The following SVEP1 variants were observed in gnomAD, a reference collection of about 807,000 sequenced individuals.
SVEP1 encodes the protein sushi, von Willebrand factor type A, EGF and pentraxin domain-containing protein 1.
A neutral mutation model predicts 367.3 loss-of-function variants in SVEP1; 164 were observed. The ratio of observed to expected loss-of-function variants is 0.45; its 90% CI spans 0.39 to 0.51. SVEP1 has a LOEUF of 0.51. Among genes scored for constraint, SVEP1 ranks in the 20% least tolerant of loss-of-function variants. The pLI is 0.00. For synonymous variants in SVEP1, 1,666 were observed against 1,611.6 expected (o/e 1.03, Z -0.81); for missense variants, 4,117 against 4,425.3 (o/e 0.93, Z 1.98).
chr9:110,567,929 G>A (rs915310474), intron 1 of SVEP1, among the ~76,000 whole-genome samples: 1 of 152,278 alleles, frequency 6.6e-6, no homozygotes, highest in East Asian at 1.9e-4. Flanking sequence ...GCCCTCCAGG[G>A]ACCAATCCTT....
Position 110,538,758 on chromosome 9 carries a change from C to T in SVEP1, c.964+7357G>A, listed in dbSNP as rs548229823. Among the ~76,000 whole-genome samples, 30 of 152,164 alleles carry T rather than the reference C, an allele frequency of 2.0e-4. No homozygotes were observed. In the South Asian group the frequency reaches 6.2e-3, roughly 32 times the overall value. On this transcript the variant is annotated intron_variant, in intron 3 of 47. Coordinates refer to ENST00000374469, the MANE Select transcript of SVEP1 (RefSeq NM_153366.4). ...AATCTCTGCAAAAGAGCACTGTCCT[C>T]AAGATGCCTGTTGTCTCTATACTTT...
At chr9:110,440,577 G>A (rs1481589716) in intron 27 of SVEP1, among the ~76,000 whole-genome samples, 1 of 152,196 alleles carries the variant, frequency 6.6e-6, no homozygotes, top group African/African-American at 2.4e-5. Context: ...ATGCAGCAAT[G>A]GAGGCATGCA....
chr9:110,537,877 T>G (rs969857067), intron 3 of SVEP1, among the ~76,000 whole-genome samples: 1 of 151,892 alleles, frequency 6.6e-6, no homozygotes, highest in African/African-American at 2.4e-5. Flanking sequence ...AGCAAGTGTT[T>G]GAAGATCATG....
At chr9:110,531,689 C>G (rs1246211048) in intron 3 of SVEP1, among the ~76,000 whole-genome samples, 1 of 152,140 alleles carries the variant, frequency 6.6e-6, no homozygotes. Flanking sequence ...CAGACTAATA[C>G]AGCCACCTAT....
chr9:110,452,671 G>T (rs1356132448), intron 22 of SVEP1, among the ~76,000 whole-genome samples: 1 of 152,196 alleles, frequency 6.6e-6, no homozygotes, highest in Non-Finnish European at 1.5e-5. Flanking sequence ...AGATATGTGT[G>T]ATGTGGCCCC....
At chr9:110,577,050 T>C (rs1782101474) in intron 1 of SVEP1, among the ~76,000 whole-genome samples, 1 of 152,070 alleles carries the variant, frequency 6.6e-6, no homozygotes, top group South Asian at 2.1e-4. Flanking sequence ...ATGGAAGAAT[T>C]ATTACTATAA....
chr9:110,367,173 A>G (rs550766100), intron 47 of SVEP1, among the ~76,000 whole-genome samples: 1 of 152,294 alleles, frequency 6.6e-6, no homozygotes, highest in East Asian at 1.9e-4. Context: ...ATATATATAT[A>G]TTTTAAAACA....
chr9:110,394,658 G>A (rs1827728291), intron 40 of SVEP1, among the ~76,000 whole-genome samples: 1 of 152,172 alleles, frequency 6.6e-6, no homozygotes, highest in South Asian at 2.1e-4. Flanking sequence ...AGTCCTTAAA[G>A]GACCTGATGG....
Position 110,375,464 on chromosome 9 carries a change from C to CCAAAAAA in SVEP1, c.10505-2_10505-1insTTTTTTG. ...TTCAGACAGGGAAGAATGCAGATTG[C>CCAAAAAA]TAAAAAAAAAAAAAAAAAAAAAAAA... On this transcript the variant is annotated splice_acceptor_variant, in intron 45 of 47. Coordinates refer to ENST00000374469, the MANE Select transcript of SVEP1 (RefSeq NM_153366.4). LOFTEE classifies it high-confidence loss of function. 2.5e-6 allele frequency: 1 copy of CCAAAAAA among 399,082 alleles called. No individual in the cohort carries two copies. Among genetic ancestry groups the CCAAAAAA allele is most frequent in the Non-Finnish European group, 3.4e-6 (1 of 294,602 alleles). 24.7% of individuals were successfully genotyped at this position (399,082 alleles called of 1,614,324 possible).
At chr9:110,517,005 T>G (rs1229544872) in intron 3 of SVEP1, among the ~76,000 whole-genome samples, 1 of 152,160 alleles carries the variant, frequency 6.6e-6, no homozygotes, top group Non-Finnish European at 1.5e-5. Context: ...TGATATTTCA[T>G]TTTTTCTTTG....
chr9:110,533,104 C>T (rs952926808), intron 3 of SVEP1, among the ~76,000 whole-genome samples: 1 of 152,068 alleles, frequency 6.6e-6, no homozygotes, highest in African/African-American at 2.4e-5. Context: ...GCTGATCTGA[C>T]AGGAGGCAGA....
At chr9:110,459,189 G>T in intron 18 of SVEP1, 76 bp from the exon 19 acceptor site, 1 of 1,384,416 alleles carries the variant, frequency 7.2e-7, no homozygotes, top group Non-Finnish European at 1.0e-6. Context: ...TTTAATCTGT[G>T]CATATAAGAA....
chr9:110,385,678 T>TCA (rs1827510372), intron 43 of SVEP1, among the ~76,000 whole-genome samples: 1 of 151,676 alleles, frequency 6.6e-6, no homozygotes, highest in South Asian at 2.1e-4. Flanking sequence ...TTTGAAAATC[T>TCA]GTTCAGGTGG....
chr9:110,572,817 T>C (rs957443126), intron 1 of SVEP1, among the ~76,000 whole-genome samples: 1 of 99,712 alleles, frequency 1.0e-5, no homozygotes, highest in Non-Finnish European at 2.0e-5. Flanking sequence ...AAAAAAAAAA[T>C]GAGTACTACT....
chr9:110,485,194 C>A (rs1403966599), intron 9 of SVEP1, among the ~76,000 whole-genome samples: 1 of 152,078 alleles, frequency 6.6e-6, no homozygotes, highest in Non-Finnish European at 1.5e-5. Context: ...CAAATGCCCA[C>A]CAATGATAAA....
chr9:110,460,381 GTAT>G (rs942732373), intron 18 of SVEP1, among the ~76,000 whole-genome samples: 2 of 152,094 alleles, frequency 1.3e-5, no homozygotes, highest in Non-Finnish European at 2.9e-5. Context: ...AGTATAACGT[GTAT>G]TATTAGTTCA....
intron 3 of SVEP1, among the ~76,000 whole-genome samples, chr9:110,518,812 T>C (rs530659902): frequency 8.7e-4 from 133 of 152,326 alleles, no homozygotes; most frequent in African/African-American, 3.0e-3. Context: ...ACTAGTCCCT[T>C]GGCCTTACCT....
At chr9:110,370,042 TTTAA>T in intron 46 of SVEP1, 26 bp from the exon 47 acceptor site, 2 of 1,597,106 alleles carry the variant, frequency 1.3e-6, no homozygotes, top group Non-Finnish European at 1.7e-6. Context: ...CATGCATTTA[TTTAA>T]TTAATACTTA....
chr9:110,577,431 T>C (rs1830640289), intron 1 of SVEP1, among the ~76,000 whole-genome samples: 1 of 152,172 alleles, frequency 6.6e-6, no homozygotes, highest in African/African-American at 2.4e-5. Context: ...ACTGGTTAAC[T>C]ATTTATTTTT....
Sources: gnomAD v4.1 joint callset for allele counts (sites outside exome capture counted in the v4.1 genomes callset) on GRCh38, gnomAD v4.1.1 for gene constraint, MANE v1.5 for transcripts, NCBI Gene and HGNC (gene_info 2026-07-23, HGNC 2026-07-21) for gene names.